The following ABAT variants were observed in gnomAD, a reference collection of about 807,000 sequenced individuals.
The protein encoded by ABAT is 4-aminobutyrate aminotransferase.
In ABAT, 45 loss-of-function variants were observed where a neutral mutation model predicts 64.6. The ratio of observed to expected loss-of-function variants is 0.70; its 90% CI spans 0.55 to 0.89. ABAT has a LOEUF of 0.89. Among genes scored for constraint, ABAT ranks in the 40% least tolerant of loss-of-function variants. The probability of loss-of-function intolerance (pLI) is 0.00; values close to 1 mark genes in which losing one functional copy is unlikely to be tolerated. For missense variants in ABAT, 633 were observed against 658.4 expected (o/e 0.96, Z 0.42); for synonymous variants, 297 against 250.5 (o/e 1.19, Z -1.75).
intron 1 of ABAT, chr16:8,713,800 T>C: frequency 2.4e-5 from 11 of 454,012 alleles, no homozygotes; most frequent in South Asian, 1.7e-4. Flanking sequence ...CTCTGCAGAA[T>C]GGCATACAGA....
chr16:8,759,814 G>T (rs1053275644), intron 6 of ABAT, among the ~76,000 whole-genome samples: 3 of 152,202 alleles, frequency 2.0e-5, no homozygotes, highest in African/African-American at 7.2e-5. Flanking sequence ...AAAGTCCTGG[G>T]ATTACAGGCG....
intron 6 of ABAT, among the ~76,000 whole-genome samples, chr16:8,759,318 G>A (rs2059731907): frequency 6.6e-6 from 1 of 151,766 alleles, no homozygotes; most frequent in Non-Finnish European, 1.5e-5. Flanking sequence ...CATATGGAGT[G>A]TATCTGTGTG....
In ABAT at chr16:8,776,994, G is replaced by A. The variant is rs535304067; in HGVS notation, c.1269+504G>A. On this transcript the variant is annotated intron_variant, in intron 14 of 15. Coordinates refer to ENST00000268251, the MANE Select transcript of ABAT (RefSeq NM_020686.6). The surrounding 1 kb of genome is among the most constrained non-coding windows in gnomAD (Gnocchi z 4.4). ...GCTCACCGCAACCGCTGCCTCCTGG[G>A]TTCAGGAGATTCTCCGGCCTCAGCC... Among the ~76,000 whole-genome samples, 3 of 152,306 alleles carry A rather than the reference G, an allele frequency of 2.0e-5. No individual in the cohort carries two copies. The highest frequency in any genetic ancestry group is 4.4e-5 in the Non-Finnish European group (3 of 68,022).
intron 1 of ABAT, among the ~76,000 whole-genome samples, chr16:8,721,842 A>C (rs527816597): frequency 6.6e-6 from 1 of 152,268 alleles, no homozygotes; most frequent in African/African-American, 2.4e-5. Flanking sequence ...GAGAGAGCTA[A>C]TTTGCATTTT....
chr16:8,737,940 GA>G (rs370663277), intron 2 of ABAT, among the ~76,000 whole-genome samples: 1 of 7,502 alleles, frequency 1.3e-4, no homozygotes, highest in Non-Finnish European at 3.9e-4. Flanking sequence ...AAAAAGAAAG[GA>G]AAGGAAGAAA....
At chr16:8,743,340 G>A (rs1006969618) in intron 2 of ABAT, among the ~76,000 whole-genome samples, 15 of 144,612 alleles carry the variant, frequency 1.0e-4, no homozygotes, top group East Asian at 9.9e-4. Flanking sequence ...GTGTGTGTGT[G>A]TGTGTGTGTG....
At chr16:8,691,648 C>T (rs1209378957) in intron 1 of ABAT, among the ~76,000 whole-genome samples, 1 of 152,178 alleles carries the variant, frequency 6.6e-6, no homozygotes, top group African/African-American at 2.4e-5. Context: ...GCCATGTTGG[C>T]CAGGCGGGTC....
chr16:8,736,012 A>G (rs148881945), intron 2 of ABAT: 1 of 571,870 alleles, frequency 1.7e-6, no homozygotes, highest in Non-Finnish European at 3.1e-6. Context: ...AAGAGGTTTA[A>G]TGGTCTCACA....
chr16:8,773,114 AC>A (rs2060163521), intron 12 of ABAT, among the ~76,000 whole-genome samples, 197 bp downstream of exon 12: 1 of 117,570 alleles, frequency 8.5e-6, no homozygotes, highest in African/African-American at 5.1e-5. Context: ...ATACACACAC[AC>A]ACACACACAC....
At chr16:8,700,588 A>G (rs2057799920) in intron 1 of ABAT, among the ~76,000 whole-genome samples, 2 of 152,060 alleles carry the variant, frequency 1.3e-5, no homozygotes, top group Admixed American at 1.3e-4. Flanking sequence ...ACTGTTTGTG[A>G]AATCCCACAA....
intron 5 of ABAT, among the ~76,000 whole-genome samples, chr16:8,752,895 C>T (rs1051083484): frequency 6.6e-6 from 1 of 152,124 alleles, no homozygotes; most frequent in African/African-American, 2.4e-5. Flanking sequence ...TTACTATGCA[C>T]TTGGCATATT....
chr16:8,769,505 G>T (rs992151415), intron 11 of ABAT, among the ~76,000 whole-genome samples: 11 of 141,178 alleles, frequency 7.8e-5, no homozygotes, highest in Non-Finnish European at 1.3e-4. Flanking sequence ...GTTGCAATGA[G>T]CCAAGATTGC....
intron 1 of ABAT, among the ~76,000 whole-genome samples, chr16:8,687,679 T>G (rs2141954851): frequency 6.6e-6 from 1 of 152,196 alleles, no homozygotes; most frequent in South Asian, 2.1e-4. Context: ...AGGCCTGTGG[T>G]GGGGCTTGGG....
intron 1 of ABAT, among the ~76,000 whole-genome samples, chr16:8,732,248 A>G: frequency 7.2e-6 from 1 of 138,350 alleles, no homozygotes; most frequent in South Asian, 2.2e-4. Flanking sequence ...TTTATTGATA[A>G]TTCTTGGGTG....
chr16:8,720,779 C>G (rs1026000640), intron 1 of ABAT: 6 of 152,300 alleles, frequency 3.9e-5, no homozygotes, highest in African/African-American at 1.2e-4. Context: ...AAGGAATGTC[C>G]TCAGCGTCTG....
chr16:8,704,079 C>G (rs933459201), intron 1 of ABAT, among the ~76,000 whole-genome samples: 1 of 152,176 alleles, frequency 6.6e-6, no homozygotes. Context: ...TGGGATGAGT[C>G]GAGAAGTTTC....
At chr16:8,712,564 T>C (rs1273385) in intron 1 of ABAT, among the ~76,000 whole-genome samples, 104,602 of 151,970 alleles carry the variant, frequency 0.69, 37,001 homozygotes, top group East Asian at 0.89. Context: ...TTTTATTTGG[T>C]CAAAAAGATC....
intron 1 of ABAT, among the ~76,000 whole-genome samples, chr16:8,685,077 G>C (rs185536629): frequency 3.3e-4 from 50 of 152,090 alleles, no homozygotes; most frequent in African/African-American, 1.2e-3. Context: ...TTGAGCTCAG[G>C]AGTTCGAGAC....
At position 8,782,407 on chromosome 16, in the gene ABAT, C is replaced by G. The variant is rs566680330; in HGVS notation, c.*977C>G. The G allele has an allele frequency of 1.3e-5, 2 of 152,404 alleles. No individual in the cohort carries two copies. Among genetic ancestry groups the G allele is most frequent in the Admixed American group, 1.3e-4 (2 of 15,298 alleles). 9.4% of individuals were successfully genotyped at this position (152,404 alleles called of 1,614,324 possible). A position where few individuals can be genotyped will look rare whatever the true frequency, so the allele number is the denominator to read the frequency against. On this transcript the variant is annotated 3_prime_UTR_variant, in exon 16 of 16. Coordinates refer to ENST00000268251, the MANE Select transcript of ABAT (RefSeq NM_020686.6). ...CTCTTCCTCTCTTTTGCTCATCCAC[C>G]TTCACACCACTTGTGAGCTGACCCC... is the stretch of plus-strand genomic sequence containing the variant.
Sources: gnomAD v4.1 joint callset for allele counts (sites outside exome capture counted in the v4.1 genomes callset) on GRCh38, gnomAD v4.1.1 for gene constraint, Gnocchi (gnomAD v3.1) non-coding constraint, MANE v1.5 for transcripts, NCBI Gene and HGNC (gene_info 2026-07-23, HGNC 2026-07-21) for gene names.